The following KLHL1 variants were observed in gnomAD, a reference collection of about 807,000 sequenced individuals.
The protein encoded by KLHL1 is kelch like family member 1.
A neutral mutation model predicts 77.7 loss-of-function variants in KLHL1; 47 were observed. The observed-to-expected ratio is 0.60, with a 90% CI of 0.48 to 0.77. The LOEUF (loss-of-function observed/expected upper bound fraction) is 0.77, where lower values mean the gene tolerates loss of function less well. Among genes scored for constraint, KLHL1 ranks in the 30% least tolerant of loss-of-function variants. The pLI is 0.00. For missense variants in KLHL1, 925 were observed against 910.8 expected (o/e 1.02, Z -0.20); for synonymous variants, 360 against 325.2 (o/e 1.11, Z -1.15).
At chr13:70,077,007 T>G (rs1887283200) in intron 1 of KLHL1, among the ~76,000 whole-genome samples, 1 of 151,964 alleles carries the variant, frequency 6.6e-6, no homozygotes, top group African/African-American at 2.4e-5. Context: ...AAACTGGAAC[T>G]GTCATTCATC....
chr13:70,008,885 C>T (rs1047600972), intron 1 of KLHL1, among the ~76,000 whole-genome samples: 1 of 151,946 alleles, frequency 6.6e-6, no homozygotes, highest in African/African-American at 2.4e-5. Flanking sequence ...TAGAAAGCAA[C>T]CTCAAAAATG....
intron 9 of KLHL1, among the ~76,000 whole-genome samples, chr13:69,712,398 C>G (rs149831070): frequency 6.6e-6 from 1 of 152,040 alleles, no homozygotes; most frequent in Non-Finnish European, 1.5e-5. Context: ...CAATTTTCCA[C>G]ATGAGATATC....
chr13:70,048,102 T>C (rs939871323), intron 1 of KLHL1, among the ~76,000 whole-genome samples: 1 of 152,204 alleles, frequency 6.6e-6, no homozygotes, highest in East Asian at 1.9e-4. Flanking sequence ...ACATGCTGTC[T>C]GAAGGAAAAT....
chr13:69,747,552 T>C (rs1234897061), intron 7 of KLHL1, among the ~76,000 whole-genome samples: 1 of 152,024 alleles, frequency 6.6e-6, no homozygotes, highest in Non-Finnish European at 1.5e-5. Flanking sequence ...TAATTGATAT[T>C]GTTGTCTTCA....
chr13:69,951,577 T>C (rs1593980787), intron 3 of KLHL1, among the ~76,000 whole-genome samples: 2 of 151,646 alleles, frequency 1.3e-5, no homozygotes, highest in East Asian at 3.9e-4. Flanking sequence ...CTGCCCAGAT[T>C]GGGAGTTCTA....
At chr13:69,778,825 G>A (rs1280882179) in intron 7 of KLHL1, among the ~76,000 whole-genome samples, 2 of 126,874 alleles carry the variant, frequency 1.6e-5, no homozygotes, top group Non-Finnish European at 3.2e-5. Context: ...TTGAGATGGA[G>A]TCTTGCTCTG....
intron 4 of KLHL1, chr13:69,894,884 C>T (rs537825182): frequency 3.3e-6 from 1 of 302,984 alleles, no homozygotes; most frequent in African/African-American, 2.2e-5. Flanking sequence ...CTAACTAGCA[C>T]CTCTATCATG....
intron 3 of KLHL1, among the ~76,000 whole-genome samples, chr13:69,953,656 C>T (rs1197788354): frequency 6.6e-6 from 1 of 151,066 alleles, no homozygotes; most frequent in Non-Finnish European, 1.5e-5. Context: ...CTCAAATACA[C>T]AAGGTAGCAA....
At chr13:69,932,249 T>C (rs945294935) in intron 4 of KLHL1, among the ~76,000 whole-genome samples, 2 of 151,690 alleles carry the variant, frequency 1.3e-5, no homozygotes, top group Admixed American at 1.3e-4. Context: ...TTTTACAACA[T>C]TGGTTCATGA....
At chr13:69,971,049 T>G (rs556055079) in intron 2 of KLHL1, among the ~76,000 whole-genome samples, 1 of 152,172 alleles carries the variant, frequency 6.6e-6, no homozygotes, top group Non-Finnish European at 1.5e-5. Context: ...TAAATTATGA[T>G]AGTCAGTCTA....
chr13:69,859,066 C>T (rs1880033837), intron 5 of KLHL1, among the ~76,000 whole-genome samples: 1 of 152,008 alleles, frequency 6.6e-6, no homozygotes, highest in Non-Finnish European at 1.5e-5. Flanking sequence ...TCATTCAACA[C>T]ATCAAAGCAC....
At chr13:69,811,253 C>T (rs1877866998) in intron 6 of KLHL1, among the ~76,000 whole-genome samples, 1 of 152,158 alleles carries the variant, frequency 6.6e-6, no homozygotes, top group Admixed American at 6.5e-5. Flanking sequence ...CTGAATCCAG[C>T]ACCAGACCCA....
At chr13:69,895,725 T>TTC (rs1881612009) in intron 4 of KLHL1, among the ~76,000 whole-genome samples, 1 of 151,470 alleles carries the variant, frequency 6.6e-6, no homozygotes, top group Non-Finnish European at 1.5e-5. Context: ...TTTTTTTTTT[T>TTC]TCAAGGTCTT....
At chr13:69,946,863 A>G (rs1883541901) in intron 3 of KLHL1, among the ~76,000 whole-genome samples, 1 of 151,082 alleles carries the variant, frequency 6.6e-6, no homozygotes, top group Non-Finnish European at 1.5e-5. Flanking sequence ...TATAGTCATG[A>G]CAAGTCACAT....
chr13:70,039,931 A>T (rs529268306), intron 1 of KLHL1, among the ~76,000 whole-genome samples: 15 of 152,208 alleles, frequency 9.9e-5, no homozygotes, highest in East Asian at 1.9e-4. Flanking sequence ...ACTTTAAAAA[A>T]ATATATATTT....
rs192344011 is a variant in KLHL1, at chr13:70,048,243, G to A, written c.497+58960C>T. Among the ~76,000 whole-genome samples, 158 of 152,288 alleles carry A rather than the reference G, an allele frequency of 1.0e-3. 2 individuals carry two copies. The highest frequency in any genetic ancestry group is 7.5e-3 in the East Asian group (39 of 5,180). ...CTTTGAAAATCCTGAACGTGGTTCT[G>A]TGTGATTATCCATCTGTCAAAAATG... On this transcript the variant is annotated intron_variant, in intron 1 of 10. Transcript: ENST00000377844.
chr13:69,849,074 T>G (rs1879583218), intron 5 of KLHL1, among the ~76,000 whole-genome samples: 1 of 151,562 alleles, frequency 6.6e-6, no homozygotes, highest in Non-Finnish European at 1.5e-5. Context: ...CGATTTGGGC[T>G]CAGCACTTTT....
chr13:69,873,989 T>G (rs1880675752), intron 5 of KLHL1, among the ~76,000 whole-genome samples: 1 of 152,082 alleles, frequency 6.6e-6, no homozygotes, highest in African/African-American at 2.4e-5. Flanking sequence ...GAAACGTGAT[T>G]AATAAAAAGA....
intron 1 of KLHL1, among the ~76,000 whole-genome samples, chr13:70,046,838 C>G (rs943264213): frequency 1.3e-5 from 2 of 152,070 alleles, no homozygotes; most frequent in African/African-American, 4.8e-5. Context: ...CTTACCCCAC[C>G]AAGTACCGAA....
Sources: gnomAD v4.1 joint callset for allele counts (sites outside exome capture counted in the v4.1 genomes callset) on GRCh38, gnomAD v4.1.1 for gene constraint, MANE v1.5 for transcripts, NCBI Gene and HGNC (gene_info 2026-07-23, HGNC 2026-07-21) for gene names.